Variants in CDH13 observed in about 807,000 individuals in gnomAD.
The protein encoded by CDH13 is cadherin-13.
Under a neutral mutation model 63.8 loss-of-function variants are expected in CDH13, and 24 were observed. The observed-to-expected ratio is 0.38, with a 90% CI of 0.27 to 0.53. CDH13 has a LOEUF of 0.53. Ranked by LOEUF, CDH13 falls within the 20% of genes least tolerant of loss-of-function variation. The probability of loss-of-function intolerance (pLI) is 0.85; values close to 1 mark genes in which losing one functional copy is unlikely to be tolerated. For missense variants in CDH13, 1,049 were observed against 903.1 expected (o/e 1.16, Z -2.07); for synonymous variants, 503 against 355.3 (o/e 1.42, Z -4.67).
At chr16:83,294,666 T>C (rs1230742459) in intron 5 of CDH13, among the ~76,000 whole-genome samples, 1 of 151,874 alleles carries the variant, frequency 6.6e-6, no homozygotes, top group Admixed American at 6.6e-5. Flanking sequence ...TAGGAACAAA[T>C]TGAACAAGGG....
intron 7 of CDH13, among the ~76,000 whole-genome samples, chr16:83,492,110 T>C (rs938393618): frequency 6.6e-6 from 1 of 152,132 alleles, no homozygotes; most frequent in African/African-American, 2.4e-5. Flanking sequence ...AAATGACCCA[T>C]GTTAAAATAT....
At chr16:82,757,735 G>A (rs1046555723) in intron 1 of CDH13, among the ~76,000 whole-genome samples, 6 of 151,254 alleles carry the variant, frequency 4.0e-5, no homozygotes, top group African/African-American at 7.3e-5. Context: ...CCTCTGCAGC[G>A]GATTCAAGCG....
intron 11 of CDH13, among the ~76,000 whole-genome samples, chr16:83,773,099 G>C (rs1277849277): frequency 6.6e-6 from 1 of 152,184 alleles, no homozygotes; most frequent in South Asian, 2.1e-4. Flanking sequence ...CCCTTCCACA[G>C]AGACTGAGAG....
chr16:83,057,038 C>T (rs921406328), intron 3 of CDH13, among the ~76,000 whole-genome samples: 2 of 152,306 alleles, frequency 1.3e-5, no homozygotes, highest in African/African-American at 4.8e-5. Context: ...GCATTCTCAG[C>T]TCACTGCAAC....
chr16:83,519,501 A>C (rs939261158), intron 7 of CDH13, among the ~76,000 whole-genome samples: 6 of 152,268 alleles, frequency 3.9e-5, no homozygotes, highest in African/African-American at 1.4e-4. Flanking sequence ...GTATTTGAGC[A>C]AACTAACAGA....
intron 1 of CDH13, among the ~76,000 whole-genome samples, chr16:82,840,382 G>GAAA (rs11370711): frequency 4.8e-4 from 67 of 139,448 alleles, no homozygotes; most frequent in Admixed American, 1.3e-3. Context: ...CTCTGAAAAG[G>GAAA]AAAAAAAAAA....
intron 4 of CDH13, among the ~76,000 whole-genome samples, chr16:83,136,472 C>T (rs1429762873): frequency 3.7e-5 from 5 of 134,118 alleles, no homozygotes; most frequent in South Asian, 2.3e-4. Flanking sequence ...GGCGACAGAG[C>T]GGGACTCTGT....
chr16:83,320,752 A>C (rs995625488), intron 5 of CDH13, among the ~76,000 whole-genome samples: 1 of 152,150 alleles, frequency 6.6e-6, no homozygotes, highest in Non-Finnish European at 1.5e-5. Flanking sequence ...TGTGTAGACC[A>C]AGCGCAAGGA....
intron 2 of CDH13, among the ~76,000 whole-genome samples, chr16:82,957,471 C>G (rs1906289524): frequency 6.6e-6 from 1 of 152,284 alleles, no homozygotes; most frequent in South Asian, 2.1e-4. Flanking sequence ...ATAAAGGCCA[C>G]TAGTATGTTG....
At position 83,755,284 on chromosome 16, in the gene CDH13, C is replaced by A. The variant is rs536186414; in HGVS notation, c.1681+7034C>A. On this transcript the variant is annotated intron_variant, in intron 11 of 13. Transcript: ENST00000567109. Reference sequence around the variant, plus strand: ...TCTATAGCAAACACCACAAGGGAAGCACAGTGAGGATAAAGAACGGGAAAA... The same window carrying A: ...TCTATAGCAAACACCACAAGGGAAGAACAGTGAGGATAAAGAACGGGAAAA... 1.4e-4 allele frequency among the ~76,000 whole-genome samples: 22 copies of A among 151,972 alleles called. No homozygotes were observed. The East Asian group carries it at 4.1e-3, about 28-fold the overall frequency.
intron 3 of CDH13, among the ~76,000 whole-genome samples, chr16:83,077,842 C>T (rs1031358056): frequency 6.6e-6 from 1 of 152,170 alleles, no homozygotes; most frequent in Admixed American, 6.5e-5. Context: ...GCAGTGACGG[C>T]TTTGCATCCT....
intron 5 of CDH13, among the ~76,000 whole-genome samples, chr16:83,275,485 C>A (rs1287495763): frequency 6.6e-6 from 1 of 152,124 alleles, no homozygotes; most frequent in Non-Finnish European, 1.5e-5. Flanking sequence ...ATGCAGGCTT[C>A]TTAGTTTTTC....
In CDH13 at chr16:83,674,309, A is replaced by G. The variant is rs532991323; in HGVS notation, c.1284+3337A>G. Among the ~76,000 whole-genome samples the G allele has an allele frequency of 2.6e-5, 4 of 152,328 alleles. No homozygotes were observed. The South Asian group carries it at 8.3e-4, about 32-fold the overall frequency. On this transcript the variant is annotated intron_variant, in intron 9 of 13. Coordinates refer to ENST00000567109, the MANE Select transcript of CDH13 (RefSeq NM_001257.5). ...GATGCTTTTGACATTTTCCTCTTGG[A>G]CATAAAGTAGCTGCCAAAGCCCCAG...
Position 82,707,055 on chromosome 16 carries a change from C to T in CDH13, c.45+79918C>T, listed in dbSNP as rs144781578. Reference sequence around the variant, plus strand: ...AGAAGCCTCAGATTGGAGGACAAGGCGTGGACCATCCCCTGTTTGGCGGGA... The same window carrying T: ...AGAAGCCTCAGATTGGAGGACAAGGTGTGGACCATCCCCTGTTTGGCGGGA... On this transcript the variant is annotated intron_variant, in intron 1 of 13. Coordinates refer to ENST00000567109, the MANE Select transcript of CDH13 (RefSeq NM_001257.5). Among the ~76,000 whole-genome samples, 23 of 152,322 alleles carry T rather than the reference C, an allele frequency of 1.5e-4. No homozygotes were observed. The East Asian group carries it at 1.9e-3, about 13-fold the overall frequency.
chr16:83,680,684 C>T (rs532596775), intron 10 of CDH13, among the ~76,000 whole-genome samples: 16 of 152,082 alleles, frequency 1.1e-4, no homozygotes, highest in Non-Finnish European at 1.6e-4. Context: ...GAAGCTGGAA[C>T]GCAGAAAGTT....
intron 6 of CDH13, among the ~76,000 whole-genome samples, chr16:83,361,589 C>G (rs909000183): frequency 1.3e-5 from 2 of 152,120 alleles, no homozygotes; most frequent in East Asian, 1.9e-4. Context: ...TTTAATGCAT[C>G]TTGAGTTAAT....
chr16:83,735,713 G>A (rs1033095935), intron 10 of CDH13: 2 of 151,896 alleles, frequency 1.3e-5, no homozygotes, highest in South Asian at 2.1e-4. Context: ...ACTTTGTGCT[G>A]GACTGGTGCA....
chr16:82,675,227 T>C (rs1313799646), intron 1 of CDH13, among the ~76,000 whole-genome samples: 2 of 152,204 alleles, frequency 1.3e-5, no homozygotes, highest in Non-Finnish European at 2.9e-5. Flanking sequence ...TCTCTGACAT[T>C]AGGCATTGTG....
At chr16:83,010,057 C>T (rs1320859740) in intron 2 of CDH13, among the ~76,000 whole-genome samples, 1 of 143,612 alleles carries the variant, frequency 7.0e-6, no homozygotes, top group Non-Finnish European at 1.5e-5. Flanking sequence ...ATCACTTCAA[C>T]CCAGGAGGTG....
Sources: allele counts gnomAD v4.1 joint callset (sites outside exome capture counted in the v4.1 genomes callset), GRCh38; gene constraint gnomAD v4.1.1; transcripts MANE v1.5; gene names NCBI Gene and HGNC (gene_info 2026-07-23, HGNC 2026-07-21).